SLC24A2: variants seen among roughly 807,000 people sequenced by gnomAD.
The protein encoded by SLC24A2 is solute carrier family 24 member 2.
SLC24A2 carries 36 observed loss-of-function variants against 62.0 expected under a neutral mutation model. The observed-to-expected ratio is 0.58, with a 90% CI of 0.44 to 0.77. The LOEUF (loss-of-function observed/expected upper bound fraction) is 0.77, where lower values mean the gene tolerates loss of function less well. Ranked by LOEUF, SLC24A2 falls within the 30% of genes least tolerant of loss-of-function variation. The probability of loss-of-function intolerance (pLI) is 0.00; values close to 1 mark genes in which losing one functional copy is unlikely to be tolerated. For missense variants in SLC24A2, 846 were observed against 817.9 expected, an observed-to-expected ratio of 1.03 and a Z score of -0.42; for synonymous variants, 358 against 294.0, an observed-to-expected ratio of 1.22 and a Z score of -2.23.
the SLC24A2 span, among the ~76,000 whole-genome samples, chr9:20,218,395 C>A: frequency 6.6e-6 from 1 of 152,232 alleles, no homozygotes; most frequent in African/African-American, 2.4e-5. Context: ...TCCATCCAAC[C>A]AGTCTGGCTC....
chr9:19,724,079 A>G (rs1456565582), intron 2 of SLC24A2, among the ~76,000 whole-genome samples: 2 of 152,206 alleles, frequency 1.3e-5, no homozygotes, highest in African/African-American at 2.4e-5. Flanking sequence ...CCATAATCTC[A>G]TAATTTAATT....
At chr9:19,680,546 A>T (rs527698559) in intron 2 of SLC24A2, among the ~76,000 whole-genome samples, 4 of 152,098 alleles carry the variant, frequency 2.6e-5, no homozygotes, top group African/African-American at 9.6e-5. Flanking sequence ...ATGGCTGTTA[A>T]CAATAATGCT....
chr9:19,980,239 G>A, the SLC24A2 span, among the ~76,000 whole-genome samples: 1 of 152,202 alleles, frequency 6.6e-6, no homozygotes, highest in Non-Finnish European at 1.5e-5. Flanking sequence ...CTCAGCACCT[G>A]AGGTGGGGCA....
rs539941800 is a variant in SLC24A2 at position 19,707,090 on chromosome 9, C to A, written c.930+78847G>T. Among the ~76,000 whole-genome samples the A allele has an allele frequency of 2.4e-4, 37 of 152,008 alleles. No individual in the cohort carries two copies. The East Asian group carries it at 7.1e-3, about 29-fold the overall frequency. On this transcript the variant is annotated intron_variant, in intron 2 of 10. Coordinates refer to ENST00000341998, the MANE Select transcript of SLC24A2 (RefSeq NM_020344.4). ...AAAGGGGATATCACCACCGATCCCA[C>A]AGAAATACAAACTACCATCAGAGAA... is the stretch of plus-strand genomic sequence containing the variant.
intron 2 of SLC24A2, among the ~76,000 whole-genome samples, chr9:19,722,665 A>G (rs569188631): frequency 4.7e-4 from 72 of 152,210 alleles, no homozygotes; most frequent in Admixed American, 2.6e-3. Context: ...ATTAAAAAAA[A>G]AAAACCACGA....
the SLC24A2 span, among the ~76,000 whole-genome samples, chr9:20,064,327 G>C: frequency 2.1e-4 from 32 of 152,144 alleles, no homozygotes; most frequent in African/African-American, 7.2e-4. Flanking sequence ...GTGTGAGTGG[G>C]TATTCATTGC....
chr9:19,572,093 C>T (rs1467566467), intron 7 of SLC24A2, among the ~76,000 whole-genome samples: 2 of 151,002 alleles, frequency 1.3e-5, no homozygotes, highest in Non-Finnish European at 2.9e-5. Flanking sequence ...AACTGAAACC[C>T]CATCTCTACT....
the SLC24A2 span, among the ~76,000 whole-genome samples, chr9:20,082,977 G>A: frequency 4.6e-5 from 7 of 152,294 alleles, no homozygotes; most frequent in South Asian, 1.0e-3. Flanking sequence ...CACAGGCAAT[G>A]TGCCTTTTCT....
chr9:20,059,285 G>T, the SLC24A2 span, among the ~76,000 whole-genome samples: 11,773 of 152,178 alleles, frequency 0.077, 1,066 homozygotes, highest in East Asian at 0.46. Flanking sequence ...TTGAATAACA[G>T]TATAAACCAG....
At chr9:19,628,283 T>G (rs918484299) in intron 2 of SLC24A2, among the ~76,000 whole-genome samples, 1 of 152,196 alleles carries the variant, frequency 6.6e-6, no homozygotes. Context: ...ACAGTAATGG[T>G]GATTATTTAA....
At chr9:20,194,483 G>T in the SLC24A2 span, among the ~76,000 whole-genome samples, 2 of 151,980 alleles carry the variant, frequency 1.3e-5, no homozygotes, top group Non-Finnish European at 2.9e-5. Flanking sequence ...TAATTTATAG[G>T]TTGGTTACTT....
chr9:20,156,017 C>G, the SLC24A2 span, among the ~76,000 whole-genome samples: 1 of 151,566 alleles, frequency 6.6e-6, no homozygotes, highest in African/African-American at 2.4e-5. Flanking sequence ...TTATAAAAGC[C>G]TATTACTCTA....
At chr9:19,921,721 C>T in the SLC24A2 span, among the ~76,000 whole-genome samples, 2 of 151,970 alleles carry the variant, frequency 1.3e-5, no homozygotes, top group Non-Finnish European at 2.9e-5. Flanking sequence ...TTATATTTGC[C>T]TAGAGAGAAC....
chr9:20,009,868 A>G, the SLC24A2 span, among the ~76,000 whole-genome samples: 1 of 152,132 alleles, frequency 6.6e-6, no homozygotes, highest in Non-Finnish European at 1.5e-5. Flanking sequence ...ATACCCACAC[A>G]TATCTGTGGA....
intron 2 of SLC24A2, among the ~76,000 whole-genome samples, chr9:19,686,648 C>A (rs1337635256): frequency 2.0e-5 from 3 of 152,088 alleles, no homozygotes; most frequent in African/African-American, 4.8e-5. Flanking sequence ...CTTTGCTCAG[C>A]ACTTCTCCTT....
Position 19,717,951 on chromosome 9 carries a change from T to A in SLC24A2, c.930+67986A>T, listed in dbSNP as rs368753031. Reference sequence around the variant, plus strand: ...TCAGATTGGGATGTCTAAAGACAAATATAATGGCTAGATGATTTAAAACTT... The same window carrying A: ...TCAGATTGGGATGTCTAAAGACAAAAATAATGGCTAGATGATTTAAAACTT... On this transcript the variant is annotated intron_variant, in intron 2 of 10. Coordinates refer to ENST00000341998, the MANE Select transcript of SLC24A2 (RefSeq NM_020344.4). Among the ~76,000 whole-genome samples, 769 of 151,388 alleles carry A rather than the reference T, an allele frequency of 5.1e-3. 6 individuals carry two copies. The highest frequency in any genetic ancestry group is 0.017 in the African/African-American group (721 of 41,208).
chr9:19,560,132 C>G (rs547755532), intron 7 of SLC24A2, among the ~76,000 whole-genome samples: 230 of 152,238 alleles, frequency 1.5e-3, no homozygotes, highest in Admixed American at 2.7e-3. Context: ...GAGGATAAAG[C>G]ATCATTTGCT....
chr9:20,217,894 AC>A, the SLC24A2 span, among the ~76,000 whole-genome samples: 1 of 152,090 alleles, frequency 6.6e-6, no homozygotes, highest in Non-Finnish European at 1.5e-5. Flanking sequence ...AACATCTTTC[AC>A]TTTTGCATCC....
chr9:19,648,229 G>C (rs1818699039), intron 2 of SLC24A2, among the ~76,000 whole-genome samples: 1 of 152,096 alleles, frequency 6.6e-6, no homozygotes, highest in Non-Finnish European at 1.5e-5. Flanking sequence ...ATGTTCAAAG[G>C]CCGTCCAATT....
Sources: allele counts gnomAD v4.1 joint callset (sites outside exome capture counted in the v4.1 genomes callset), GRCh38; gene constraint gnomAD v4.1.1; transcripts MANE v1.5; gene names NCBI Gene and HGNC (gene_info 2026-07-23, HGNC 2026-07-21).